The following RB1 variants were observed in gnomAD, a reference collection of about 807,000 sequenced individuals.
RB1 encodes retinoblastoma-associated protein.
RB1 carries 18 observed loss-of-function variants against 135.4 expected under a neutral mutation model. The ratio of observed to expected loss-of-function variants is 0.13; its 90% CI spans 0.09 to 0.20. The LOEUF is 0.20. Among genes scored for constraint, RB1 ranks in the 10% least tolerant of loss-of-function variants. RB1 has a pLI of 1.00. For synonymous variants in RB1, 365 were observed against 373.2 expected (o/e 0.98, Z 0.25); for missense variants, 868 against 1,110.0 (o/e 0.78, Z 3.10).
chr13:48,444,793 A>G (rs1949272441), intron 17 of RB1: 1 of 152,178 alleles, frequency 6.6e-6, no homozygotes, highest in Admixed American at 6.5e-5. Flanking sequence ...GGAGGGTCTT[A>G]AAGACACACA....
At position 48,481,607 on chromosome 13, in the gene RB1, T is replaced by C. The variant is rs1356560699; in HGVS notation, c.*1536T>C. 1.3e-5 allele frequency: 3 copies of C among 230,892 alleles called. No homozygotes were observed. The highest frequency in any genetic ancestry group is 4.4e-5 in the African/African-American group (2 of 45,226). 14.3% of individuals were successfully genotyped at this position (230,892 alleles called of 1,614,324 possible). A position where few individuals can be genotyped will look rare whatever the true frequency, so the allele number is the denominator to read the frequency against. On this transcript the variant is annotated 3_prime_UTR_variant, in exon 27 of 27. Transcript: ENST00000267163. Reference sequence around the variant, plus strand: ...AATGACACTAGAAAACTTGACTCCATTTCATCATTGTTTCTGCATGAATAT... The same window carrying C: ...AATGACACTAGAAAACTTGACTCCACTTCATCATTGTTTCTGCATGAATAT...
chr13:48,416,820 G>A (rs995430594), intron 17 of RB1, among the ~76,000 whole-genome samples: 12 of 152,194 alleles, frequency 7.9e-5, no homozygotes, highest in Admixed American at 3.9e-4. Context: ...AAGCCACCGG[G>A]AAGTTTGAAC....
At chr13:48,318,839 A>G (rs1952209537) in intron 2 of RB1, 4 of 990,772 alleles carry the variant, frequency 4.0e-6, no homozygotes, top group Non-Finnish European at 6.3e-6. Context: ...TGGCCAGCAA[A>G]CTCCCCGACT....
chr13:48,425,829 T>G (rs978522625), intron 17 of RB1, among the ~76,000 whole-genome samples: 3 of 152,226 alleles, frequency 2.0e-5, no homozygotes, highest in Non-Finnish European at 4.4e-5. Flanking sequence ...CCCCACTAAT[T>G]TTCAATGACA....
chr13:48,323,601 A>G (rs1952260194), intron 2 of RB1, among the ~76,000 whole-genome samples: 1 of 152,106 alleles, frequency 6.6e-6, no homozygotes, highest in East Asian at 1.9e-4. Flanking sequence ...AAAGTTCATC[A>G]TCATGTACTT....
intron 2 of RB1, among the ~76,000 whole-genome samples, chr13:48,320,837 G>GAAAAA (rs531135502): frequency 4.9e-4 from 53 of 108,970 alleles, no homozygotes; most frequent in Middle Eastern, 9.1e-3. Context: ...TCTCAAAAAA[G>GAAAAA]AAAAAAAAAA....
chr13:48,407,253 T>C (rs889182135), intron 17 of RB1, among the ~76,000 whole-genome samples: 9 of 152,224 alleles, frequency 5.9e-5, no homozygotes, highest in Non-Finnish European at 1.2e-4. Context: ...ATACCCCTTC[T>C]GGGGCTCTAT....
intron 18 of RB1, 130 bp from the exon 19 acceptor site, chr13:48,456,074 C>G: frequency 2.7e-6 from 4 of 1,463,842 alleles, no homozygotes; most frequent in Non-Finnish European, 3.6e-6. Context: ...TCCCAGCTTG[C>G]ATTTAAATAG....
Position 48,403,718 on chromosome 13 carries a change from G to A in RB1, c.1695+22275G>A, listed in dbSNP as rs564900069. ...GCCCAGTCACAAAGTTTCCAGTGTA[G>A]GGTCCAAGAATTTGTATTTCTGATA... is the stretch of plus-strand genomic sequence containing the variant. On this transcript the variant is annotated intron_variant, in intron 17 of 26. Coordinates refer to ENST00000267163, the MANE Select transcript of RB1 (RefSeq NM_000321.3). Among the ~76,000 whole-genome samples, 6 of 152,216 alleles carry A rather than the reference G, an allele frequency of 3.9e-5. No individual in the cohort carries two copies. The South Asian group carries it at 1.2e-3, about 32-fold the overall frequency.
At chr13:48,326,292 T>C (rs1952286629) in intron 2 of RB1, among the ~76,000 whole-genome samples, 1 of 152,096 alleles carries the variant, frequency 6.6e-6, no homozygotes, top group African/African-American at 2.4e-5. Context: ...TTCCTCTGTA[T>C]CTCAATGAAT....
intron 2 of RB1, among the ~76,000 whole-genome samples, chr13:48,333,745 CAA>C (rs1247668539): frequency 4.7e-5 from 7 of 148,282 alleles, no homozygotes; most frequent in Middle Eastern, 7.0e-3. Flanking sequence ...GAAAAAAAAA[CAA>C]AGAGAGAAAA....
intron 17 of RB1, among the ~76,000 whole-genome samples, chr13:48,437,720 A>G (rs1949198694): frequency 6.6e-6 from 1 of 152,188 alleles, no homozygotes; most frequent in Non-Finnish European, 1.5e-5. Flanking sequence ...GAGATCCTAG[A>G]GAGGGAGAGA....
chr13:48,479,244 T>C lies in RB1; in HGVS notation c.2714-754T>C, dbSNP rs533471765. Among the ~76,000 whole-genome samples the C allele has an allele frequency of 3.2e-4, 49 of 152,190 alleles. No individual in the cohort carries two copies. The Middle Eastern group carries it at 0.01, about 32-fold the overall frequency. ...CCTTGTCTCAAAAAAAAAAAATCCATGCCCAGTTTAAATGAGCTATGATTT... is the reference window on the plus strand; with the variant it reads ...CCTTGTCTCAAAAAAAAAAAATCCACGCCCAGTTTAAATGAGCTATGATTT... On this transcript the variant is annotated intron_variant, in intron 26 of 26. Coordinates refer to ENST00000267163, the MANE Select transcript of RB1 (RefSeq NM_000321.3).
chr13:48,360,291 A>G (rs1952627651), intron 7 of RB1, 164 bp downstream of exon 7: 4 of 1,398,098 alleles, frequency 2.9e-6, no homozygotes, highest in South Asian at 2.9e-5. Flanking sequence ...AAGATAAGAC[A>G]TGGAAACAAA....
intron 6 of RB1, among the ~76,000 whole-genome samples, chr13:48,358,672 T>C (rs149398341): frequency 5.9e-5 from 9 of 152,266 alleles, no homozygotes; most frequent in Non-Finnish European, 1.3e-4. Context: ...AAATAAGCTA[T>C]AGTTGTTTAC....
At position 48,438,556 on chromosome 13, in the gene RB1, G is replaced by GT. The variant is rs776106522; in HGVS notation, c.1696-14427dup. Among the ~76,000 whole-genome samples, 941 of 145,770 alleles carry GT rather than the reference G, an allele frequency of 6.5e-3. 3 individuals are homozygous for GT. The highest frequency in any genetic ancestry group is 0.01 in the African/African-American group (407 of 39,786). ...ATTGCTATTTTTTATTTACTTATCT[G>GT]TTTTTTTTTTCATTAGACTGTAAAC... On this transcript the variant is annotated intron_variant, in intron 17 of 26. Coordinates refer to ENST00000267163, the MANE Select transcript of RB1 (RefSeq NM_000321.3).
intron 17 of RB1, among the ~76,000 whole-genome samples, chr13:48,399,753 TA>T (rs1484188121): frequency 1.3e-5 from 2 of 152,004 alleles, no homozygotes; most frequent in Non-Finnish European, 2.9e-5. Flanking sequence ...ATTTTAAACA[TA>T]AAATCATTTT....
chr13:48,423,343 C>T (rs1949033825), intron 17 of RB1, among the ~76,000 whole-genome samples: 3 of 151,972 alleles, frequency 2.0e-5, no homozygotes, highest in Admixed American at 6.6e-5. Context: ...GGCGCGATCT[C>T]GGCTCACTGC....
intron 2 of RB1, chr13:48,328,205 C>G (rs942630564): frequency 1.4e-6 from 2 of 1,479,444 alleles, no homozygotes; most frequent in Admixed American, 3.4e-5. Context: ...TTGGTGTATC[C>G]CTTGCAATAT....
Sources: allele counts gnomAD v4.1 joint callset (sites outside exome capture counted in the v4.1 genomes callset), GRCh38; gene constraint gnomAD v4.1.1; transcripts MANE v1.5; gene names NCBI Gene and HGNC (gene_info 2026-07-23, HGNC 2026-07-21).